The following MKX variants were observed in gnomAD, a reference collection of about 807,000 sequenced individuals.
MKX encodes homeobox protein Mohawk.
In MKX, 13 loss-of-function variants were observed where a neutral mutation model predicts 36.0. That is an observed-to-expected ratio of 0.36 (90% confidence interval 0.24 to 0.57). The LOEUF (loss-of-function observed/expected upper bound fraction) is 0.57, where lower values mean the gene tolerates loss of function less well. Ranked by LOEUF, MKX falls within the 20% of genes least tolerant of loss-of-function variation. The probability of loss-of-function intolerance (pLI) is 0.79; values close to 1 mark genes in which losing one functional copy is unlikely to be tolerated. For synonymous variants in MKX, 176 were observed against 178.3 expected (o/e 0.99, Z 0.10); for missense variants, 458 against 456.4 (o/e 1.00, Z -0.03).
Position 27,743,501 on chromosome 10 carries a change from G to A in MKX, c.-82-4C>T. On this transcript the variant is annotated splice_region_variant and splice_polypyrimidine_tract_variant and intron_variant, in intron 1 of 6. Transcript: ENST00000419761. Reference sequence around the variant, plus strand: ...GCTCCGCAGCGGGGCTCGGCTTCTAGGAGAGGAAGGTGCATCTCGTTACTT... The same window carrying A: ...GCTCCGCAGCGGGGCTCGGCTTCTAAGAGAGGAAGGTGCATCTCGTTACTT... The A allele has an allele frequency of 7.4e-7, 1 of 1,348,008 alleles. No individual in the cohort carries two copies. The highest frequency in any genetic ancestry group is 9.9e-7 in the Non-Finnish European group (1 of 1,014,010). 83.5% of individuals were successfully genotyped at this position (1,348,008 alleles called of 1,614,324 possible).
At chr10:27,706,196 C>T (rs1836753051) in intron 5 of MKX, among the ~76,000 whole-genome samples, 1 of 152,068 alleles carries the variant, frequency 6.6e-6, no homozygotes, top group African/African-American at 2.4e-5. Context: ...TATGTTGTAG[C>T]ATGTGTCAGA....
intron 5 of MKX, among the ~76,000 whole-genome samples, chr10:27,715,453 G>A (rs1836946860): frequency 6.6e-6 from 1 of 152,210 alleles, no homozygotes; most frequent in South Asian, 2.1e-4. Flanking sequence ...AGATGAGGGT[G>A]CTACGTGGCT....
At chr10:27,708,385 T>C (rs545047169) in intron 5 of MKX, among the ~76,000 whole-genome samples, 4 of 152,346 alleles carry the variant, frequency 2.6e-5, no homozygotes, top group African/African-American at 9.6e-5. Flanking sequence ...GCACCATTAA[T>C]GTATTTGTTC....
At chr10:27,682,634 A>C (rs1240633348) in intron 5 of MKX, among the ~76,000 whole-genome samples, 2 of 152,154 alleles carry the variant, frequency 1.3e-5, no homozygotes, top group East Asian at 3.9e-4. Flanking sequence ...GGTGCGTTTC[A>C]GGATAAAACA....
At chr10:27,696,743 T>C (rs530298508) in intron 5 of MKX, among the ~76,000 whole-genome samples, 36 of 152,242 alleles carry the variant, frequency 2.4e-4, no homozygotes, top group Admixed American at 2.1e-3. Flanking sequence ...TTAGAGCTGG[T>C]GCATGAACTA....
intron 5 of MKX, among the ~76,000 whole-genome samples, chr10:27,710,649 A>AT (rs1478607178): frequency 6.6e-6 from 1 of 151,832 alleles, no homozygotes; most frequent in Non-Finnish European, 1.5e-5. Context: ...CTAGTTTTTA[A>AT]TTTTTTATTT....
At chr10:27,728,295 G>C (rs750383123) in intron 5 of MKX, among the ~76,000 whole-genome samples, 7 of 152,228 alleles carry the variant, frequency 4.6e-5, no homozygotes, top group Non-Finnish European at 8.8e-5. Flanking sequence ...CACTCACACA[G>C]GGCCCTTAAC....
Position 27,672,974 on chromosome 10 carries a change from G to T in MKX, c.*2255C>A, listed in dbSNP as rs1297497538. On this transcript the variant is annotated 3_prime_UTR_variant, in exon 7 of 7. Transcript: ENST00000419761. ...ACATATGGCAAAACAAAGAATAGAG[G>T]TAATTCTATTTCTCTACAACATAAA... 2 of 152,078 alleles carry T rather than the reference G, an allele frequency of 1.3e-5. No homozygotes were observed. Among genetic ancestry groups the T allele is most frequent in the Non-Finnish European group, 2.9e-5 (2 of 68,010 alleles). The allele number at this position is 152,078 out of a possible 1,614,324, so 9.4% of individuals were successfully genotyped here. A position where few individuals can be genotyped will look rare whatever the true frequency, so the allele number is the denominator to read the frequency against.
At chr10:27,698,951 G>T (rs895416077) in intron 5 of MKX, among the ~76,000 whole-genome samples, 2 of 152,054 alleles carry the variant, frequency 1.3e-5, no homozygotes, top group Non-Finnish European at 2.9e-5. Context: ...TTTTCCATAT[G>T]CTCAGCTAAT....
At chr10:27,688,735 T>G (rs1836401650) in intron 5 of MKX, among the ~76,000 whole-genome samples, 1 of 152,228 alleles carries the variant, frequency 6.6e-6, no homozygotes, top group African/African-American at 2.4e-5. Flanking sequence ...TTTATAGTGC[T>G]TCTTAGCTAA....
At chr10:27,709,665 G>T (rs897950686) in intron 5 of MKX, among the ~76,000 whole-genome samples, 1 of 152,112 alleles carries the variant, frequency 6.6e-6, no homozygotes, top group Non-Finnish European at 1.5e-5. Context: ...GGGATGAAAG[G>T]GATACTAGCC....
intron 5 of MKX, among the ~76,000 whole-genome samples, chr10:27,728,107 C>T (rs1209684271): frequency 6.6e-6 from 1 of 152,164 alleles, no homozygotes; most frequent in Non-Finnish European, 1.5e-5. Flanking sequence ...CATCAACAGT[C>T]ATTTGCATGC....
chr10:27,720,899 T>C (rs1218367464), intron 5 of MKX, among the ~76,000 whole-genome samples: 1 of 151,808 alleles, frequency 6.6e-6, no homozygotes, highest in Non-Finnish European at 1.5e-5. Context: ...ATAAGAAAAA[T>C]ATACAAAATG....
At chr10:27,735,051 A>C (rs1834723238) in intron 4 of MKX, among the ~76,000 whole-genome samples, 170 bp downstream of exon 4, 2 of 152,318 alleles carry the variant, frequency 1.3e-5, no homozygotes, top group East Asian at 3.9e-4. Context: ...GGAAATGGCC[A>C]TCATTCCTTT....
chr10:27,733,724 C>T (rs1464637757), intron 5 of MKX, among the ~76,000 whole-genome samples: 2 of 152,210 alleles, frequency 1.3e-5, no homozygotes, highest in Non-Finnish European at 2.9e-5. Context: ...TCATACACTT[C>T]TTAAGAGCAA....
chr10:27,736,961 T>G (rs1309183405), intron 3 of MKX, among the ~76,000 whole-genome samples: 1 of 152,200 alleles, frequency 6.6e-6, no homozygotes, highest in Non-Finnish European at 1.5e-5. Flanking sequence ...TGACTTCAAA[T>G]TCTCAGTCCT....
At chr10:27,731,800 T>C (rs1834635791) in intron 5 of MKX, among the ~76,000 whole-genome samples, 1 of 152,130 alleles carries the variant, frequency 6.6e-6, no homozygotes, top group Non-Finnish European at 1.5e-5. Flanking sequence ...ACAGGCATGC[T>C]ATTCACTCTG....
chr10:27,715,858 T>TGGGCTGG (rs1331727971), intron 5 of MKX, among the ~76,000 whole-genome samples: 1 of 151,868 alleles, frequency 6.6e-6, no homozygotes, highest in Non-Finnish European at 1.5e-5. Context: ...ACCTATGGGA[T>TGGGCTGG]GGGCTGGGGG....
At chr10:27,689,282 A>G (rs1415280885) in intron 5 of MKX, among the ~76,000 whole-genome samples, 2 of 152,212 alleles carry the variant, frequency 1.3e-5, no homozygotes, top group African/African-American at 4.8e-5. Flanking sequence ...CTCACTGTTC[A>G]TCTGCTGTAT....
Sources: allele counts gnomAD v4.1 joint callset (sites outside exome capture counted in the v4.1 genomes callset), GRCh38; gene constraint gnomAD v4.1.1; transcripts MANE v1.5; gene names NCBI Gene and HGNC (gene_info 2026-07-23, HGNC 2026-07-21).